Variants in OSBP2 observed in about 807,000 individuals in gnomAD.
OSBP2 encodes oxysterol-binding protein 2.
Under a neutral mutation model 96.0 loss-of-function variants are expected in OSBP2, and 66 were observed. The ratio of observed to expected loss-of-function variants is 0.69; its 90% CI spans 0.56 to 0.84. OSBP2 has a LOEUF of 0.84. Among genes scored for constraint, OSBP2 ranks in the 40% least tolerant of loss-of-function variants. The probability of loss-of-function intolerance (pLI) is 0.00; values close to 1 mark genes in which losing one functional copy is unlikely to be tolerated. For missense variants in OSBP2, 1,038 were observed against 1,222.7 expected (o/e 0.85, Z 2.25); for synonymous variants, 525 against 520.9 (o/e 1.01, Z -0.11).
intron 3 of OSBP2, among the ~76,000 whole-genome samples, chr22:30,882,506 TAA>T (rs11370269): frequency 9.1e-5 from 13 of 142,404 alleles, no homozygotes; most frequent in African/African-American, 1.8e-4. Flanking sequence ...ATGCACACTA[TAA>T]AAAAAAAAAA....
chr22:30,693,981 A>AG, upstream of OSBP2: 1 of 1,330,654 alleles, frequency 7.5e-7, no homozygotes. Flanking sequence ...GAAAAAAAAA[A>AG]AAAGCGGAAA....
intron 2 of OSBP2, among the ~76,000 whole-genome samples, chr22:30,765,124 G>T (rs1057262919): frequency 6.6e-6 from 1 of 152,096 alleles, no homozygotes; most frequent in African/African-American, 2.4e-5. Flanking sequence ...AAACTGCTGG[G>T]CTCAGGCAAT....
intron 2 of OSBP2, among the ~76,000 whole-genome samples, chr22:30,800,308 A>C (rs532008845): frequency 6.6e-6 from 1 of 152,258 alleles, no homozygotes; most frequent in African/African-American, 2.4e-5. Flanking sequence ...TGTGGGACCA[A>C]GGAGAGAGGA....
chr22:30,805,592 A>G (rs935523844), intron 2 of OSBP2, among the ~76,000 whole-genome samples: 3 of 152,170 alleles, frequency 2.0e-5, no homozygotes, highest in African/African-American at 7.2e-5. Flanking sequence ...TATTCTAAAT[A>G]TTTCTTACCA....
In OSBP2 at chr22:30,694,874, A is replaced by G. The variant is rs1459914113; in HGVS notation, c.-36A>G. ...CGCCCCCGGCCTGCCCCCCGCCCCC[A>G]CTGGCCGCTCGGCCGCGCGCGGGTC... On this transcript the variant is annotated 5_prime_UTR_variant, in exon 1 of 14. Coordinates refer to ENST00000332585, the MANE Select transcript of OSBP2 (RefSeq NM_030758.4). 4 of 1,059,790 alleles carry G rather than the reference A, an allele frequency of 3.8e-6. No individual in the cohort carries two copies. The highest frequency in any genetic ancestry group is 1.7e-5 in the African/African-American group (1 of 59,334). The allele number at this position is 1,059,790 out of a possible 1,614,324, so 65.6% of individuals were successfully genotyped here. A position where few individuals can be genotyped will look rare whatever the true frequency, so the allele number is the denominator to read the frequency against.
chr22:30,862,358 G>A (rs2039229138), intron 2 of OSBP2, among the ~76,000 whole-genome samples: 1 of 152,246 alleles, frequency 6.6e-6, no homozygotes, highest in East Asian at 1.9e-4. Flanking sequence ...CAGGGCCATG[G>A]GGGTGGCAGG....
chr22:30,695,615 T>C (rs763065339), intron 1 of OSBP2, 62 bp downstream of exon 1: 319 of 1,546,668 alleles, frequency 2.1e-4, no homozygotes, highest in Non-Finnish European at 2.6e-4. Flanking sequence ...GGGATGGTGA[T>C]GGAGGGCCTC....
chr22:30,876,266 G>A (rs932434103), intron 3 of OSBP2, among the ~76,000 whole-genome samples: 2 of 152,250 alleles, frequency 1.3e-5, no homozygotes, highest in Non-Finnish European at 2.9e-5. Flanking sequence ...GTTTGGCTCT[G>A]AAGCCCCCCT....
intron 2 of OSBP2, among the ~76,000 whole-genome samples, chr22:30,792,923 G>C (rs2090697739): frequency 6.6e-6 from 1 of 152,152 alleles, no homozygotes; most frequent in South Asian, 2.1e-4. Flanking sequence ...TGCATTATGG[G>C]TCATCTTCCA....
intron 3 of OSBP2, among the ~76,000 whole-genome samples, chr22:30,886,566 C>T (rs997525193): frequency 6.6e-6 from 1 of 152,084 alleles, no homozygotes; most frequent in Admixed American, 6.5e-5. Context: ...ACGTTTTCCC[C>T]CACAAAGGAC....
At chr22:30,899,250 C>T (rs1359677453) in intron 12 of OSBP2, among the ~76,000 whole-genome samples, 1 of 151,758 alleles carries the variant, frequency 6.6e-6, no homozygotes, top group Non-Finnish European at 1.5e-5. Flanking sequence ...CATGTGTAGT[C>T]CCACCTGTAG....
intron 2 of OSBP2, among the ~76,000 whole-genome samples, chr22:30,750,222 C>T (rs555587595): frequency 3.9e-5 from 6 of 152,264 alleles, no homozygotes; most frequent in South Asian, 4.2e-4. Flanking sequence ...CTCAGCCTCT[C>T]GTCTATGGAA....
intron 1 of OSBP2, among the ~76,000 whole-genome samples, chr22:30,721,772 T>G (rs909510185): frequency 6.6e-6 from 1 of 152,206 alleles, no homozygotes; most frequent in Non-Finnish European, 1.5e-5. Flanking sequence ...AAATTTATAA[T>G]TGGCCTTGGA....
intron 1 of OSBP2, among the ~76,000 whole-genome samples, chr22:30,708,291 T>C (rs1307827385): frequency 6.6e-6 from 1 of 152,138 alleles, no homozygotes; most frequent in African/African-American, 2.4e-5. Flanking sequence ...TGAAGAATTT[T>C]AAACAACATA....
intron 2 of OSBP2, among the ~76,000 whole-genome samples, chr22:30,794,385 C>T (rs1026183668): frequency 1.3e-5 from 2 of 151,628 alleles, no homozygotes; most frequent in African/African-American, 4.8e-5. Flanking sequence ...CTGCCTCAGC[C>T]TCCTGAGTAG....
chr22:30,726,640 G>A (rs1178090807), intron 1 of OSBP2, among the ~76,000 whole-genome samples: 1 of 152,156 alleles, frequency 6.6e-6, no homozygotes, highest in Non-Finnish European at 1.5e-5. Context: ...AGAACTTAAA[G>A]TAAATAATAA....
intron 1 of OSBP2, among the ~76,000 whole-genome samples, chr22:30,704,517 AT>A (rs34976215): frequency 0.39 from 55,370 of 143,048 alleles, 10,164 homozygotes; most frequent in Admixed American, 0.44. Flanking sequence ...AGGAAAGCAG[AT>A]TTTTTTTTTT....
intron 1 of OSBP2, among the ~76,000 whole-genome samples, chr22:30,696,135 A>G (rs1176022490): frequency 1.3e-5 from 2 of 151,978 alleles, no homozygotes; most frequent in African/African-American, 4.8e-5. Context: ...TTTTGCGGAG[A>G]GCTAGGAAGT....
At chr22:30,861,541 C>T (rs1223625591) in intron 2 of OSBP2, among the ~76,000 whole-genome samples, 6 of 152,136 alleles carry the variant, frequency 3.9e-5, no homozygotes, top group South Asian at 4.1e-4. Context: ...GCCAGAGTTT[C>T]GTGATTTATT....
Sources: gnomAD v4.1 joint callset for allele counts (sites outside exome capture counted in the v4.1 genomes callset) on GRCh38, gnomAD v4.1.1 for gene constraint, MANE v1.5 for transcripts, NCBI Gene and HGNC (gene_info 2026-07-23, HGNC 2026-07-21) for gene names.